RAPGEF5: variants seen among roughly 807,000 people sequenced by gnomAD.
RAPGEF5 encodes M-Ras-regulated GEF.
Under a neutral mutation model 125.2 loss-of-function variants are expected in RAPGEF5, and 65 were observed. The observed-to-expected ratio is 0.52, with a 90% confidence interval of 0.43 to 0.64. RAPGEF5 has a LOEUF of 0.64. RAPGEF5 is among the 30% of genes least tolerant of loss of function. The pLI is 0.00. For synonymous variants in RAPGEF5, 391 were observed against 385.9 expected (o/e 1.01, Z -0.16); for missense variants, 958 against 1,048.1 (o/e 0.91, Z 1.19).
At chr7:22,312,035 C>T (rs1246555916) in intron 3 of RAPGEF5, among the ~76,000 whole-genome samples, 3 of 152,242 alleles carry the variant, frequency 2.0e-5, no homozygotes, top group Non-Finnish European at 4.4e-5. Context: ...ACAAACTAAA[C>T]TGTCAAACTG....
In RAPGEF5 at chr7:22,278,222, G is replaced by A. The variant is rs538889003; in HGVS notation, c.748-11210C>T. ...ATTTGCCTCCATTTTCACCCCTTGA[G>A]ATGTCTCTCAAGTCTTACGATCTAT... is the stretch of plus-strand genomic sequence containing the variant. On this transcript the variant is annotated intron_variant, in intron 6 of 25. Transcript: ENST00000665637. Among the ~76,000 whole-genome samples, 4 of 152,184 alleles carry A rather than the reference G, an allele frequency of 2.6e-5. No homozygotes were observed. The South Asian group carries it at 8.3e-4, about 32-fold the overall frequency.
chr7:22,321,267 G>C (rs1173214828), intron 1 of RAPGEF5, among the ~76,000 whole-genome samples: 1 of 152,068 alleles, frequency 6.6e-6, no homozygotes, highest in Non-Finnish European at 1.5e-5. Flanking sequence ...AAAAAATGGA[G>C]TAACTCCAGA....
chr7:22,246,003 C>A (rs781077677), intron 7 of RAPGEF5, among the ~76,000 whole-genome samples: 77 of 152,128 alleles, frequency 5.1e-4, no homozygotes, highest in Non-Finnish European at 9.6e-4. Context: ...AACAAAATAC[C>A]TAGGAATACA....
chr7:22,328,355 G>A (rs761093939), intron 1 of RAPGEF5, among the ~76,000 whole-genome samples: 9 of 152,206 alleles, frequency 5.9e-5, no homozygotes, highest in Non-Finnish European at 1.2e-4. Context: ...CCCACACCTG[G>A]GAGTCTGGAA....
chr7:22,122,782 A>C (rs1782621163), intron 25 of RAPGEF5, among the ~76,000 whole-genome samples: 1 of 152,216 alleles, frequency 6.6e-6, no homozygotes, highest in Non-Finnish European at 1.5e-5. Flanking sequence ...TTACGTTATT[A>C]TCTCATTCCA....
At chr7:22,293,958 G>A (rs557357257) in intron 5 of RAPGEF5, among the ~76,000 whole-genome samples, 3 of 152,272 alleles carry the variant, frequency 2.0e-5, no homozygotes, top group African/African-American at 7.2e-5. Context: ...AACACATTCT[G>A]TTTTAATGTG....
chr7:22,154,086 T>C (rs562484078), intron 17 of RAPGEF5, among the ~76,000 whole-genome samples: 2 of 152,266 alleles, frequency 1.3e-5, no homozygotes, highest in South Asian at 4.2e-4. Context: ...GCAATAGGAC[T>C]GGTTCAAGGC....
At position 22,122,266 on chromosome 7, in the gene RAPGEF5, T is replaced by A; in HGVS notation, c.*140A>T. ...CTGACATCACTTCCTGAACACGCTT[T>A]GGCTGGCTTTCCTGTGAATGTCTTG... On this transcript the variant is annotated 3_prime_UTR_variant, in exon 26 of 26. Transcript: ENST00000665637. 1 of 652,712 alleles carries A rather than the reference T, an allele frequency of 1.5e-6. No homozygotes were observed. The highest frequency in any genetic ancestry group is 2.0e-5 in the South Asian group (1 of 50,314). 40.4% of individuals were successfully genotyped at this position (652,712 alleles called of 1,614,324 possible).
chr7:22,147,701 A>T (rs1189090881), intron 18 of RAPGEF5, among the ~76,000 whole-genome samples: 1 of 152,206 alleles, frequency 6.6e-6, no homozygotes, highest in Non-Finnish European at 1.5e-5. Flanking sequence ...CACAACTTTC[A>T]ATCTATTTCA....
At chr7:22,190,439 A>G (rs952718281) in intron 11 of RAPGEF5, among the ~76,000 whole-genome samples, 5 of 152,220 alleles carry the variant, frequency 3.3e-5, no homozygotes, top group South Asian at 2.1e-4. Flanking sequence ...TAAGAAAATC[A>G]TTAGTAGGTT....
intron 14 of RAPGEF5, among the ~76,000 whole-genome samples, chr7:22,159,996 A>C (rs10242092): frequency 0.98 from 148,546 of 152,118 alleles, 72,538 homozygotes; most frequent in East Asian, 0.99. Flanking sequence ...GTAATCCCAG[A>C]TACTTAGGAG....
intron 1 of RAPGEF5, among the ~76,000 whole-genome samples, chr7:22,353,057 A>G (rs1225378775): frequency 6.6e-6 from 1 of 152,254 alleles, no homozygotes; most frequent in African/African-American, 2.4e-5. Context: ...AGCACCATCC[A>G]TGAAGGTTAC....
chr7:22,272,139 C>T (rs993267445), intron 6 of RAPGEF5, among the ~76,000 whole-genome samples: 3 of 151,752 alleles, frequency 2.0e-5, no homozygotes, highest in African/African-American at 4.8e-5. Context: ...GTCAGGAGTT[C>T]GAGACCAGCC....
intron 5 of RAPGEF5, 86 bp from the exon 6 acceptor site, chr7:22,291,327 A>G: frequency 1.4e-6 from 2 of 1,457,978 alleles, no homozygotes; most frequent in South Asian, 1.4e-5. Flanking sequence ...AGGGCAAATA[A>G]TGTCATTGTT....
chr7:22,239,327 G>A (rs1786265983), intron 7 of RAPGEF5, among the ~76,000 whole-genome samples: 1 of 152,162 alleles, frequency 6.6e-6, no homozygotes, highest in African/African-American at 2.4e-5. Context: ...GATAATAAAT[G>A]TTTGCTACAT....
intron 7 of RAPGEF5, among the ~76,000 whole-genome samples, chr7:22,246,170 C>T (rs1051192155): frequency 6.6e-6 from 1 of 152,122 alleles, no homozygotes; most frequent in African/African-American, 2.4e-5. Flanking sequence ...TCTACAGATG[C>T]AGTGCCATTC....
intron 3 of RAPGEF5, among the ~76,000 whole-genome samples, chr7:22,311,283 G>A (rs939043343): frequency 6.6e-6 from 1 of 152,128 alleles, no homozygotes; most frequent in Non-Finnish European, 1.5e-5. Flanking sequence ...CCAAACTGCG[G>A]AGATTACAGG....
At position 22,148,201 on chromosome 7, in the gene RAPGEF5, T is replaced by C. The variant is rs112239834; in HGVS notation, c.1885-1182A>G. Among the ~76,000 whole-genome samples the C allele has an allele frequency of 2.5e-4, 38 of 152,328 alleles. 1 individual carries two copies. Among genetic ancestry groups the C allele is most frequent in the African/African-American group, 8.9e-4 (37 of 41,582 alleles). On this transcript the variant is annotated intron_variant, in intron 18 of 25. Coordinates refer to ENST00000665637, the MANE Select transcript of RAPGEF5 (RefSeq NM_012294.5). ...GGCCAGGCTAAGACCAGACAGGCTC[T>C]ACTGCTGACTTTCTAAGAAAGACCC...
intron 6 of RAPGEF5, among the ~76,000 whole-genome samples, chr7:22,271,873 G>A (rs562381583): frequency 6.6e-6 from 1 of 152,116 alleles, no homozygotes; most frequent in Non-Finnish European, 1.5e-5. Context: ...CAGTTTAGTA[G>A]TGCCTTTGGT....
Sources: gnomAD v4.1 joint callset for allele counts (sites outside exome capture counted in the v4.1 genomes callset) on GRCh38, gnomAD v4.1.1 for gene constraint, MANE v1.5 for transcripts, NCBI Gene and HGNC (gene_info 2026-07-23, HGNC 2026-07-21) for gene names.